UNC13C: variants seen among roughly 807,000 people sequenced by gnomAD.
The protein encoded by UNC13C is unc-13 homolog C.
In UNC13C, 174 loss-of-function variants were observed where a neutral mutation model predicts 245.4. That is an observed-to-expected ratio of 0.71 (90% CI 0.63 to 0.80). The LOEUF is 0.80. Among genes scored for constraint, UNC13C ranks in the 30% least tolerant of loss-of-function variants. The pLI is 0.00. For synonymous variants in UNC13C, 992 were observed against 895.1 expected, an observed-to-expected ratio of 1.11 and a Z score of -1.93; for missense variants, 2,829 against 2,602.9, an observed-to-expected ratio of 1.09 and a Z score of -1.89.
chr15:54,099,099 T>A (rs1900032156), intron 2 of UNC13C, among the ~76,000 whole-genome samples: 1 of 152,208 alleles, frequency 6.6e-6, no homozygotes, highest in Non-Finnish European at 1.5e-5. Flanking sequence ...GATGTTGATA[T>A]CACTTGATGA....
intron 18 of UNC13C, among the ~76,000 whole-genome samples, chr15:54,396,784 C>T (rs1219665220): frequency 6.6e-6 from 1 of 151,214 alleles, no homozygotes; most frequent in Non-Finnish European, 1.5e-5. Flanking sequence ...ATGATACTGA[C>T]CATATTTTTA....
At chr15:53,965,835 T>C in the UNC13C span, among the ~76,000 whole-genome samples, 53 of 151,664 alleles carry the variant, frequency 3.5e-4, 2 homozygotes, top group East Asian at 0.01. Context: ...TCTGTTCTTG[T>C]GATAGTTTAC....
intron 17 of UNC13C, among the ~76,000 whole-genome samples, chr15:54,365,199 C>T (rs1453252209): frequency 3.3e-5 from 5 of 152,088 alleles, no homozygotes; most frequent in African/African-American, 1.2e-4. Context: ...TCAATGCAGG[C>T]TCCCCACTGA....
At chr15:53,928,947 A>C in the UNC13C span, among the ~76,000 whole-genome samples, 4 of 152,226 alleles carry the variant, frequency 2.6e-5, no homozygotes, top group Non-Finnish European at 5.9e-5. Context: ...TCATGACAAG[A>C]GTCATGAAAG....
intron 30 of UNC13C, among the ~76,000 whole-genome samples, chr15:54,603,184 A>G (rs545144977): frequency 6.6e-6 from 1 of 152,332 alleles, no homozygotes; most frequent in Non-Finnish European, 1.5e-5. Flanking sequence ...TCTGGCCTCA[A>G]TAAGTAATTG....
chr15:53,939,466 A>AAC, the UNC13C span, among the ~76,000 whole-genome samples: 5 of 151,916 alleles, frequency 3.3e-5, no homozygotes, highest in Non-Finnish European at 7.4e-5. Context: ...AAAACAAGGC[A>AAC]CTCCTCCCTA....
chr15:53,894,831 G>A, the UNC13C span, among the ~76,000 whole-genome samples: 8 of 152,002 alleles, frequency 5.3e-5, no homozygotes, highest in Admixed American at 5.2e-4. Context: ...ATTTACAAAA[G>A]TCAAGAGATT....
chr15:54,584,824 T>C (rs1467445964), intron 30 of UNC13C, among the ~76,000 whole-genome samples: 4 of 152,198 alleles, frequency 2.6e-5, no homozygotes, highest in Admixed American at 6.5e-5. Flanking sequence ...AGGGTGAAAT[T>C]AGGTGACGGG....
intron 17 of UNC13C, among the ~76,000 whole-genome samples, chr15:54,380,397 A>G (rs952507698): frequency 1.3e-5 from 2 of 152,204 alleles, no homozygotes; most frequent in African/African-American, 4.8e-5. Flanking sequence ...AGTTGATTCC[A>G]TATCTTGGCT....
At position 54,236,360 on chromosome 15, in the gene UNC13C, A is replaced by G. The variant is rs988222085; in HGVS notation, c.3151-70A>G. The G allele has an allele frequency of 4.9e-6, 6 of 1,225,444 alleles. No homozygotes were observed. The African/African-American group carries it at 8.9e-5, about 18-fold the overall frequency. The allele number at this position is 1,225,444 out of a possible 1,614,324, so 75.9% of individuals were successfully genotyped here. ...AGTGTTAGGCTAATTTAACATTGTT[A>G]TACTCTTTTCCTACCTTTCATGTAT... On this transcript the variant is annotated intron_variant, in intron 5 of 32. Transcript: ENST00000260323.
intron 18 of UNC13C, among the ~76,000 whole-genome samples, chr15:54,403,744 T>C (rs2040236482): frequency 6.9e-6 from 1 of 145,018 alleles, no homozygotes; most frequent in South Asian, 2.2e-4. Context: ...AAAAAAGGCT[T>C]ACATAGATCC....
At chr15:54,433,762 G>T (rs1324494868) in intron 19 of UNC13C, among the ~76,000 whole-genome samples, 3 of 151,852 alleles carry the variant, frequency 2.0e-5, no homozygotes, top group Non-Finnish European at 2.9e-5. Flanking sequence ...AGAAATGAAG[G>T]GTATTCAAAT....
At chr15:53,871,889 TAC>T in the UNC13C span, among the ~76,000 whole-genome samples, 1 of 152,080 alleles carries the variant, frequency 6.6e-6, no homozygotes, top group Non-Finnish European at 1.5e-5. Flanking sequence ...CTTCAACTTG[TAC>T]ACACACACAC....
chr15:54,080,442 T>A (rs1236715623), intron 2 of UNC13C, among the ~76,000 whole-genome samples: 1 of 152,056 alleles, frequency 6.6e-6, no homozygotes, highest in Non-Finnish European at 1.5e-5. Flanking sequence ...TATGAATCCA[T>A]CTGATCTTGG....
At chr15:54,555,097 A>G (rs1897033585) in intron 28 of UNC13C, among the ~76,000 whole-genome samples, 1 of 152,050 alleles carries the variant, frequency 6.6e-6, no homozygotes, top group South Asian at 2.1e-4. Context: ...ATAGTCCTCA[A>G]CGTGACAGAC....
intron 2 of UNC13C, among the ~76,000 whole-genome samples, chr15:54,100,324 C>T (rs1900098508): frequency 6.6e-6 from 1 of 152,140 alleles, no homozygotes; most frequent in Admixed American, 6.5e-5. Context: ...TGTCAAATCT[C>T]ATTTTCACAG....
intron 1 of UNC13C, among the ~76,000 whole-genome samples, chr15:53,983,509 A>G (rs1016290469): frequency 2.6e-5 from 4 of 152,126 alleles, no homozygotes; most frequent in Non-Finnish European, 5.9e-5. Flanking sequence ...TTCTTTTTAG[A>G]AAATAATCCC....
chr15:53,877,226 A>G, the UNC13C span, among the ~76,000 whole-genome samples: 428 of 152,344 alleles, frequency 2.8e-3, no homozygotes, highest in African/African-American at 9.8e-3. Flanking sequence ...TGAATTATGC[A>G]AAAGCACATC....
intron 2 of UNC13C, chr15:54,050,425 C>A: frequency 3.6e-6 from 2 of 553,558 alleles, no homozygotes; most frequent in South Asian, 2.8e-5. Flanking sequence ...TGGGAGTAGT[C>A]AGGAGCTGAC....
Sources: gnomAD v4.1 joint callset for allele counts (sites outside exome capture counted in the v4.1 genomes callset) on GRCh38, gnomAD v4.1.1 for gene constraint, MANE v1.5 for transcripts, NCBI Gene and HGNC (gene_info 2026-07-23, HGNC 2026-07-21) for gene names.